Variants in ATXN7 observed in about 807,000 individuals in gnomAD.
ATXN7 encodes the protein ataxin 7.
A neutral mutation model predicts 70.5 loss-of-function variants in ATXN7; 12 were observed. The observed-to-expected ratio is 0.17, with a 90% CI of 0.11 to 0.28. The LOEUF (loss-of-function observed/expected upper bound fraction) is 0.28. ATXN7 is among the 10% of genes least tolerant of loss of function. ATXN7 has a pLI of 1.00. For missense variants in ATXN7, 1,256 were observed against 1,131.7 expected (o/e 1.11, Z -1.58); for synonymous variants, 498 against 448.7 (o/e 1.11, Z -1.39).
intron 5 of ATXN7, among the ~76,000 whole-genome samples, chr3:63,964,538 A>G (rs971929624): frequency 6.6e-6 from 1 of 152,220 alleles, no homozygotes; most frequent in African/African-American, 2.4e-5. Flanking sequence ...AAATCAGGCC[A>G]TGAAGATATA....
Position 63,990,198 on chromosome 3 carries a change from C to G in ATXN7, c.1384C>G (p.Gln462Glu). The G allele has an allele frequency of 6.2e-7, 1 of 1,613,390 alleles. No individual in the cohort carries two copies. Residue 462 changes from glutamine (Q) to glutamate (E), a missense_variant, in exon 10 of 13, where the codon CAA (glutamine) becomes GAA (glutamate). Physicochemically the swap from Gln to Glu is conservative, Grantham distance 29 (BLOSUM62 2). Transcript: ENST00000674280. ...AAGGCCTCCAGGCTGCCCTGCTCAGCAAGGTGGGAGTGCCCCCATTGACCC... is the reference window on the plus strand; with the variant it reads ...AAGGCCTCCAGGCTGCCCTGCTCAGGAAGGTGGGAGTGCCCCCATTGACCC... Reference protein sequence around the residue: ...LPRPPGCPAQQGGSAPIDPPP... With the variant: ...LPRPPGCPAQEGGSAPIDPPP...
intron 5 of ATXN7, chr3:63,968,307 C>T (rs540238084): frequency 2.1e-4 from 54 of 254,028 alleles, no homozygotes; most frequent in African/African-American, 1.1e-3. Flanking sequence ...CAGATGCAGA[C>T]GGGAGCCGAG....
At chr3:63,947,402 T>C (rs1240681830) in intron 4 of ATXN7, among the ~76,000 whole-genome samples, 1 of 152,066 alleles carries the variant, frequency 6.6e-6, no homozygotes, top group Non-Finnish European at 1.5e-5. Flanking sequence ...CTGGGCAACA[T>C]AGTGAGACCC....
At chr3:63,909,956 A>G (rs2107288366) in intron 2 of ATXN7, among the ~76,000 whole-genome samples, 1 of 152,340 alleles carries the variant, frequency 6.6e-6, no homozygotes, top group South Asian at 2.1e-4. Flanking sequence ...ATTAGTTTTG[A>G]GTATTGAGGT....
Position 63,996,407 on chromosome 3 carries a change from T to C in ATXN7, c.2585T>C (p.Val862Ala). Reference protein sequence around the residue: ...KPTKVAKVPAVNNVHMKHTGT... With the variant: ...KPTKVAKVPAANNVHMKHTGT... Reference sequence around the variant, plus strand: ...ACAAAGGTTGCCAAAGTGCCAGCCGTGAACAATGTCCACATGAAACACACA... The same window carrying C: ...ACAAAGGTTGCCAAAGTGCCAGCCGCGAACAATGTCCACATGAAACACACA... The change falls in exon 12 of 13, where the codon GTG (valine) becomes GCG (alanine). Residue 862 changes from valine (V) to alanine (A), a missense_variant. Physicochemically the swap from Val to Ala is moderately conservative, Grantham distance 64. Coordinates refer to ENST00000674280, the MANE Select transcript of ATXN7 (RefSeq NM_001377405.1). 1 of 1,614,106 alleles carries C rather than the reference T, an allele frequency of 6.2e-7. No individual in the cohort carries two copies. The highest frequency in any genetic ancestry group is 8.5e-7 in the Non-Finnish European group (1 of 1,180,014).
rs564777072 is a variant in ATXN7, at chr3:63,945,548, CCTT to C, written c.395-6828_395-6826del. Among the ~76,000 whole-genome samples, 17 of 152,338 alleles carry C rather than the reference CCTT, an allele frequency of 1.1e-4. No individual in the cohort carries two copies. The East Asian group carries it at 3.3e-3, about 29-fold the overall frequency. ...AAATGACATAAAAGCACAATTATAACCTTCTGACTTACGGTGGCATCACAAGGA... is the reference window on the plus strand; with the variant it reads ...AAATGACATAAAAGCACAATTATAACCTGACTTACGGTGGCATCACAAGGA... On this transcript the variant is annotated intron_variant, in intron 4 of 12. Transcript: ENST00000674280.
intron 4 of ATXN7, among the ~76,000 whole-genome samples, chr3:63,921,965 G>A (rs976365076): frequency 6.6e-6 from 1 of 152,196 alleles, no homozygotes; most frequent in African/African-American, 2.4e-5. Context: ...CAAGGTGTAG[G>A]CAGTGAGAGG....
chr3:63,953,022 C>T (rs1425341070), intron 5 of ATXN7, among the ~76,000 whole-genome samples: 1 of 151,844 alleles, frequency 6.6e-6, no homozygotes, highest in East Asian at 1.9e-4. Context: ...CAGTTTGGCT[C>T]AATAGCAAAT....
rs756226225 is a variant in ATXN7 at position 63,979,941 on chromosome 3, C to T, written c.526C>T (p.Pro176Ser). 5.6e-6 allele frequency: 9 copies of T among 1,614,052 alleles called. No homozygotes were observed. In the East Asian group the frequency reaches 2.0e-4, roughly 36 times the overall value. ...YERRHSSSSKPPLAVPPTSVF... is the reference protein window; with the variant it reads ...YERRHSSSSKSPLAVPPTSVF... ...AAGAAGACATAGCTCATCCAGCAAGCCGCCTTTGGCCGTTCCTCCCACTTC... is the reference window on the plus strand; with the variant it reads ...AAGAAGACATAGCTCATCCAGCAAGTCGCCTTTGGCCGTTCCTCCCACTTC... The change falls in exon 6 of 13, where the codon CCG becomes TCG. Residue 176 changes from proline to serine, a missense_variant. Pro to Ser is a moderately conservative substitution (Grantham distance 74). Transcript: ENST00000674280.
Position 63,952,360 on chromosome 3 carries a change from C to G in ATXN7, c.395-19C>G. On this transcript the variant is annotated intron_variant, in intron 4 of 12. Transcript: ENST00000674280. ...GTCAGAACCAGATGAGTGAGTGATG[C>G]TCTGTTTCTGTGTTGCAGACATGCC... The G allele has an allele frequency of 6.4e-7, 1 of 1,573,470 alleles. No individual in the cohort carries two copies. Among genetic ancestry groups the G allele is most frequent in the Non-Finnish European group, 8.7e-7 (1 of 1,151,422 alleles).
In ATXN7 at chr3:63,929,334, G is replaced by A. The variant is rs184170330; in HGVS notation, c.394+16109G>A. On this transcript the variant is annotated intron_variant, in intron 4 of 12. Coordinates refer to ENST00000674280, the MANE Select transcript of ATXN7 (RefSeq NM_001377405.1). ...TGTTGCCAGGCTGGAGTGCAGTGGC[G>A]CCATCTCGGCTCACTGCAACCTCCG... Among the ~76,000 whole-genome samples, 210 of 148,324 alleles carry A rather than the reference G, an allele frequency of 1.4e-3. 1 individual carries two copies. The highest frequency in any genetic ancestry group is 4.5e-3 in the African/African-American group (182 of 40,108).
chr3:63,966,934 C>G (rs1000805778), intron 5 of ATXN7, among the ~76,000 whole-genome samples: 1 of 152,060 alleles, frequency 6.6e-6, no homozygotes, highest in African/African-American at 2.4e-5. Flanking sequence ...GCAGTTTTTT[C>G]CATGTCACTT....
At chr3:63,960,557 A>C (rs992160690) in intron 5 of ATXN7, among the ~76,000 whole-genome samples, 2 of 152,104 alleles carry the variant, frequency 1.3e-5, no homozygotes, top group Non-Finnish European at 2.9e-5. Flanking sequence ...AGGGGCAGAG[A>C]AGTGTGAACA....
rs1224651130 is a variant in ATXN7, at chr3:63,912,996, C to T, written c.325+73C>T. ...CCTCTCTCCTCCCCTCCCCCCTGCC[C>T]CCCTCCTGTGACCCGCCCCCTCGAG... is the stretch of plus-strand genomic sequence containing the variant. On this transcript the variant is annotated intron_variant, in intron 3 of 12. Transcript: ENST00000674280. 3.6e-6 allele frequency: 5 copies of T among 1,406,584 alleles called. No individual in the cohort carries two copies. In the Admixed American group the frequency reaches 8.1e-5, roughly 23 times the overall value. 87.1% of individuals were successfully genotyped at this position (1,406,584 alleles called of 1,614,324 possible). A position where few individuals can be genotyped will look rare whatever the true frequency, so the allele number is the denominator to read the frequency against.
At chr3:63,936,472 G>T (rs1244574252) in intron 4 of ATXN7, among the ~76,000 whole-genome samples, 2 of 152,130 alleles carry the variant, frequency 1.3e-5, no homozygotes, top group African/African-American at 4.8e-5. Flanking sequence ...AAATCAAGAC[G>T]GAGGAAAATC....
chr3:63,990,840 C>A lies in ATXN7; in HGVS notation c.1663C>A (p.Leu555Met), dbSNP rs759446599. Residue 555 changes from leucine to methionine, a missense_variant, in exon 11 of 13, where the codon CTG becomes ATG. Coordinates refer to ENST00000674280, the MANE Select transcript of ATXN7 (RefSeq NM_001377405.1). ...CALNLMVEKH[L>M]NAQLWKKIPP... Reference sequence around the variant, plus strand: ...CCTCAACCTCATGGTGGAGAAGCATCTGAATGCACAGCTATGGAAGTGAGT... The same window carrying A: ...CCTCAACCTCATGGTGGAGAAGCATATGAATGCACAGCTATGGAAGTGAGT... The A allele has an allele frequency of 3.5e-5, 56 of 1,614,126 alleles. No homozygotes were observed. The highest frequency in any genetic ancestry group is 4.4e-5 in the Non-Finnish European group (52 of 1,180,054).
chr3:63,910,894 C>T (rs868267205), intron 2 of ATXN7, among the ~76,000 whole-genome samples: 1 of 151,718 alleles, frequency 6.6e-6, no homozygotes, highest in Middle Eastern at 3.2e-3. Flanking sequence ...AACCCCAAAC[C>T]CTCTCTAGCA....
chr3:63,899,959 GTA>G (rs2107266173), intron 2 of ATXN7, among the ~76,000 whole-genome samples: 1 of 152,208 alleles, frequency 6.6e-6, no homozygotes, highest in South Asian at 2.1e-4. Flanking sequence ...TGGTGCATGT[GTA>G]TAGTCCCAGC....
chr3:63,962,926 T>C (rs1205262518), intron 5 of ATXN7, among the ~76,000 whole-genome samples: 3 of 150,054 alleles, frequency 2.0e-5, no homozygotes, highest in African/African-American at 4.9e-5. Flanking sequence ...TTTTTTTTTT[T>C]CTTCTTCAAG....
Sources: gnomAD v4.1 joint callset for allele counts (sites outside exome capture counted in the v4.1 genomes callset) on GRCh38, gnomAD v4.1.1 for gene constraint, MANE v1.5 for transcripts, NCBI Gene and HGNC (gene_info 2026-07-23, HGNC 2026-07-21) for gene names.